ARHGAP8: variants seen among roughly 807,000 people sequenced by gnomAD.
ARHGAP8 encodes the protein Rho GTPase activating protein 8, also known as rho GTPase-activating protein 8.
A neutral mutation model predicts 46.1 loss-of-function variants in ARHGAP8; 62 were observed. The observed-to-expected ratio is 1.34, with a 90% CI of 1.10 to 1.66. ARHGAP8 has a LOEUF of 1.66. Among genes scored for constraint, ARHGAP8 ranks in the 40% most tolerant of loss-of-function variants. The pLI is 0.00. For missense variants in ARHGAP8, 923 were observed against 568.4 expected, an observed-to-expected ratio of 1.62 and a Z score of -6.34; for synonymous variants, 375 against 243.1, an observed-to-expected ratio of 1.54 and a Z score of -5.05.
intron 5 of ARHGAP8, among the ~76,000 whole-genome samples, chr22:44,815,468 G>A (rs1929670540): frequency 6.6e-6 from 1 of 152,070 alleles, no homozygotes; most frequent in East Asian, 1.9e-4. Context: ...GGTTCCCGGT[G>A]GGCAAAGACA....
intron 1 of ARHGAP8, among the ~76,000 whole-genome samples, chr22:44,776,816 G>T (rs1479934398): frequency 6.6e-6 from 1 of 152,108 alleles, no homozygotes; most frequent in Non-Finnish European, 1.5e-5. Context: ...GGGTGCATGG[G>T]AAGAGGTGTT....
At chr22:44,821,649 A>G (rs1930154816) in intron 5 of ARHGAP8, among the ~76,000 whole-genome samples, 1 of 152,210 alleles carries the variant, frequency 6.6e-6, no homozygotes, top group Non-Finnish European at 1.5e-5. Flanking sequence ...CAGTCGTCAC[A>G]GCGAGCATGT....
chr22:44,767,328 C>T (rs1925649299), intron 1 of ARHGAP8, among the ~76,000 whole-genome samples: 1 of 151,960 alleles, frequency 6.6e-6, no homozygotes, highest in Non-Finnish European at 1.5e-5. Context: ...TTCGGATGCT[C>T]TTTCTCCCCC....
intron 7 of ARHGAP8, among the ~76,000 whole-genome samples, chr22:44,843,824 CAAAA>C (rs56308320): frequency 1.4e-3 from 131 of 93,082 alleles, no homozygotes; most frequent in Non-Finnish European, 1.8e-3. Flanking sequence ...GACCTTGTCT[CAAAA>C]AAAAAAAAAA....
chr22:44,858,976 G>C (rs1220461895), intron 10 of ARHGAP8, among the ~76,000 whole-genome samples: 2 of 151,846 alleles, frequency 1.3e-5, no homozygotes, highest in Non-Finnish European at 2.9e-5. Flanking sequence ...AGCAGCCACA[G>C]GCAATGTACA....
At chr22:44,850,806 A>C (rs1401382530) in intron 10 of ARHGAP8, 2 of 152,092 alleles carry the variant, frequency 1.3e-5, no homozygotes, top group African/African-American at 4.8e-5. Context: ...CTCTACTAAA[A>C]TACAAAAATT....
intron 1 of ARHGAP8, among the ~76,000 whole-genome samples, chr22:44,779,214 C>G (rs9614924): frequency 3.3e-5 from 5 of 151,212 alleles, no homozygotes; most frequent in Admixed American, 6.6e-5. Context: ...ATTCTCCTGC[C>G]TCAGCCTCCC....
intron 8 of ARHGAP8, among the ~76,000 whole-genome samples, chr22:44,847,656 C>G (rs1470418600): frequency 1.3e-5 from 2 of 152,126 alleles, no homozygotes; most frequent in Non-Finnish European, 2.9e-5. Context: ...GAGCTCATGG[C>G]CTTATTCTGT....
intron 2 of ARHGAP8, among the ~76,000 whole-genome samples, chr22:44,796,368 C>T (rs181088025): frequency 6.6e-6 from 1 of 152,064 alleles, no homozygotes; most frequent in East Asian, 1.9e-4. Flanking sequence ...CAGGGTGGGC[C>T]GATGCTGTAT....
chr22:44,862,707 CCTT>C lies in ARHGAP8; in HGVS notation c.*115_*117del. On this transcript the variant is annotated 3_prime_UTR_variant, in exon 12 of 12. Transcript: ENST00000356099. ...AACCAGCCATTAGATGAATTCAGAA[CCTT>C]CTAATGAAAACTCCATGCCTCTGGT... 1 of 1,318,396 alleles carries C rather than the reference CCTT, an allele frequency of 7.6e-7. No homozygotes were observed. The highest frequency in any genetic ancestry group is 1.0e-6 in the Non-Finnish European group (1 of 992,196). 81.7% of individuals were successfully genotyped at this position (1,318,396 alleles called of 1,614,324 possible). A position where few individuals can be genotyped will look rare whatever the true frequency, so the allele number is the denominator to read the frequency against.
chr22:44,847,914 T>C, intron 8 of ARHGAP8, 59 bp from the exon 9 acceptor site: 2 of 1,596,458 alleles, frequency 1.3e-6, no homozygotes, highest in South Asian at 2.2e-5. Flanking sequence ...TGTCATATAA[T>C]GTCCTGGAAG....
chr22:44,788,029 G>T (rs972732748), intron 2 of ARHGAP8, among the ~76,000 whole-genome samples: 12 of 149,726 alleles, frequency 8.0e-5, no homozygotes, highest in African/African-American at 2.7e-4. Flanking sequence ...CCCTGGCCAG[G>T]TGCCAACAGA....
At chr22:44,858,767 G>A (rs553615686) in intron 10 of ARHGAP8, among the ~76,000 whole-genome samples, 3 of 149,848 alleles carry the variant, frequency 2.0e-5, no homozygotes, top group Non-Finnish European at 4.4e-5. Context: ...AGTTGCATCA[G>A]GCCCCTGGAG....
chr22:44,835,207 T>C (rs1931200847), intron 7 of ARHGAP8, among the ~76,000 whole-genome samples: 1 of 149,998 alleles, frequency 6.7e-6, no homozygotes, highest in South Asian at 2.1e-4. Flanking sequence ...TCTAGTGTAC[T>C]GTTTCAATTT....
At chr22:44,783,480 C>G (rs1926993644) in intron 1 of ARHGAP8, among the ~76,000 whole-genome samples, 1 of 152,300 alleles carries the variant, frequency 6.6e-6, no homozygotes, top group South Asian at 2.1e-4. Flanking sequence ...CTGGAAGCCC[C>G]ATCAGGCAGG....
At chr22:44,814,615 C>T (rs956153158) in intron 4 of ARHGAP8, 57 bp from the exon 5 acceptor site, 23 of 1,496,068 alleles carry the variant, frequency 1.5e-5, no homozygotes, top group Admixed American at 7.3e-5. Context: ...GGTTATTGGG[C>T]GTGGGGTGTT....
At chr22:44,773,176 G>A (rs1203374330) in intron 1 of ARHGAP8, among the ~76,000 whole-genome samples, 1 of 152,124 alleles carries the variant, frequency 6.6e-6, no homozygotes, top group African/African-American at 2.4e-5. Flanking sequence ...CAGGTTATCA[G>A]TTTCTTCTTG....
chr22:44,848,064 G>A lies in ARHGAP8; in HGVS notation c.748+14G>A, dbSNP rs539599388. ...TCTACAACCAAGGTGAGGGTGTCCCGCAGTCCTGAGCCCCGAGCTGCCTGG... is the reference window on the plus strand; with the variant it reads ...TCTACAACCAAGGTGAGGGTGTCCCACAGTCCTGAGCCCCGAGCTGCCTGG... On this transcript the variant is annotated intron_variant, in intron 9 of 11. Transcript: ENST00000356099. The A allele has an allele frequency of 7.5e-6, 12 of 1,604,176 alleles. No homozygotes were observed. The highest frequency in any genetic ancestry group is 4.4e-5 in the South Asian group (4 of 91,018).
At chr22:44,798,048 C>G (rs963593052) in intron 2 of ARHGAP8, among the ~76,000 whole-genome samples, 23 of 148,940 alleles carry the variant, frequency 1.5e-4, no homozygotes, top group Non-Finnish European at 2.7e-4. Context: ...GTGATCTCAG[C>G]TCACTGCAAC....
Sources: gnomAD v4.1 joint callset for allele counts (sites outside exome capture counted in the v4.1 genomes callset) on GRCh38, gnomAD v4.1.1 for gene constraint, MANE v1.5 for transcripts, NCBI Gene and HGNC (gene_info 2026-07-23, HGNC 2026-07-21) for gene names.